The following STK11 variants were observed in gnomAD, a reference collection of about 807,000 sequenced individuals.
STK11 encodes the protein serine/threonine-protein kinase STK11.
STK11 carries 8 observed loss-of-function variants against 47.3 expected under a neutral mutation model. The ratio of observed to expected loss-of-function variants is 0.17; its 90% CI spans 0.10 to 0.31. STK11 has a LOEUF of 0.31. STK11 is among the 10% of genes least tolerant of loss of function. The probability of loss-of-function intolerance (pLI) is 1.00; values close to 1 mark genes in which losing one functional copy is unlikely to be tolerated. For synonymous variants in STK11, 330 were observed against 255.8 expected (o/e 1.29, Z -2.77); for missense variants, 475 against 605.0 (o/e 0.79, Z 2.25).
chr19:1,214,246 G>T (rs901628766), intron 1 of STK11, among the ~76,000 whole-genome samples: 3 of 152,216 alleles, frequency 2.0e-5, no homozygotes, highest in Non-Finnish European at 4.4e-5. Flanking sequence ...CATCCCGGAG[G>T]TGACTGCCAC....
Position 1,205,780 on chromosome 19 carries a change from G to C in STK11, c.-1134G>C, listed in dbSNP as rs2080659411. The C allele has an allele frequency of 5.0e-6, 1 of 199,356 alleles. No homozygotes were observed. Among genetic ancestry groups the C allele is most frequent in the African/African-American group, 2.3e-5 (1 of 43,378 alleles). The allele number at this position is 199,356 out of a possible 1,614,324, so 12.3% of individuals were successfully genotyped here. ...GCGGCGGCGCAGGGAGGGGGAGGGA[G>C]GTAAACAAGATGGCGGCGGCGTGTC... is the stretch of plus-strand genomic sequence containing the variant. On this transcript the variant is annotated 5_prime_UTR_variant, in exon 1 of 10. Coordinates refer to ENST00000326873, the MANE Select transcript of STK11 (RefSeq NM_000455.5).
At chr19:1,213,211 A>T (rs2080723685) in intron 1 of STK11, among the ~76,000 whole-genome samples, 1 of 149,652 alleles carries the variant, frequency 6.7e-6, no homozygotes. Flanking sequence ...GTTAGCCAGG[A>T]TGGTCTCGAT....
intron 1 of STK11, among the ~76,000 whole-genome samples, chr19:1,218,211 G>A (rs1042048550): frequency 6.6e-6 from 1 of 152,072 alleles, no homozygotes; most frequent in African/African-American, 2.4e-5. Context: ...ACTAGAGGGC[G>A]CTGTGCTCCC....
At chr19:1,224,095 C>T in intron 8 of STK11, 2 of 994,696 alleles carry the variant, frequency 2.0e-6, no homozygotes, top group Non-Finnish European at 2.4e-6. Context: ...CCTCAGCACT[C>T]CTGGGCCCCT....
At chr19:1,225,977 C>T in intron 8 of STK11, 3 of 995,064 alleles carry the variant, frequency 3.0e-6, no homozygotes, top group Non-Finnish European at 3.6e-6. Flanking sequence ...GAGCTCTGCT[C>T]CCCGCGTGGT....
At chr19:1,221,586 C>G (rs899593803) in intron 6 of STK11, 1 of 618,578 alleles carries the variant, frequency 1.6e-6, no homozygotes, top group Non-Finnish European at 2.8e-6. Context: ...CTGCGCCTCC[C>G]CCAGCCCCAC....
Position 1,228,219 on chromosome 19 carries a change from GACCC to G in STK11, c.*644_*647del, listed in dbSNP as rs1162764576. 2.3e-4 allele frequency: 194 copies of G among 838,276 alleles called. 1 individual carries two copies. In the East Asian group the frequency reaches 8.8e-3, roughly 38 times the overall value. 51.9% of individuals were successfully genotyped at this position (838,276 alleles called of 1,614,324 possible). The stretch of plus-strand genomic sequence containing the variant: ...CTTTGGCGGCCCGGCCGGAGGGCAG[GACCC>G]TCACCTCTCCCCCAAGGCCACTGCG... On this transcript the variant is annotated 3_prime_UTR_variant, in exon 10 of 10. Transcript: ENST00000326873.
chr19:1,208,010 C>T (rs541617330), intron 1 of STK11, among the ~76,000 whole-genome samples: 9 of 152,368 alleles, frequency 5.9e-5, no homozygotes, highest in African/African-American at 2.2e-4. Context: ...CTTATCGCAG[C>T]CAGACACGCT....
intron 1 of STK11, among the ~76,000 whole-genome samples, chr19:1,211,977 G>A (rs1399851109): frequency 6.6e-6 from 1 of 152,356 alleles, no homozygotes. Context: ...GTGTCCTCGA[G>A]GCCTCTGTTT....
chr19:1,208,379 C>T (rs1285218543), intron 1 of STK11, among the ~76,000 whole-genome samples: 1 of 146,794 alleles, frequency 6.8e-6, no homozygotes, highest in Non-Finnish European at 1.5e-5. Context: ...GCGAACTGGG[C>T]TCACTGCAAG....
intron 1 of STK11, chr19:1,216,324 C>T (rs1250754691): frequency 1.2e-5 from 2 of 173,514 alleles, no homozygotes; most frequent in East Asian, 2.0e-4. Context: ...CTGGATATTG[C>T]ATAGAAATGG....
At position 1,206,904 on chromosome 19, in the gene STK11, TG is replaced by T. The variant is rs1064795642; in HGVS notation, c.-7del. On this transcript the variant is annotated 5_prime_UTR_variant, in exon 1 of 10. Coordinates refer to ENST00000326873, the MANE Select transcript of STK11 (RefSeq NM_000455.5). ...GGCTGGCGGCGGGACTCCAGGACCC[TG>T]GGTCCAGCATGGAGGTGGTGGACCC... The T allele has an allele frequency of 7.7e-6, 12 of 1,565,358 alleles. No homozygotes were observed. The highest frequency in any genetic ancestry group is 8.7e-6 in the Non-Finnish European group (10 of 1,154,828).
In STK11 at chr19:1,228,083, A is replaced by G; in HGVS notation, c.*507A>G. On this transcript the variant is annotated 3_prime_UTR_variant, in exon 10 of 10. Coordinates refer to ENST00000326873, the MANE Select transcript of STK11 (RefSeq NM_000455.5). ...TCTTTTTTTTTTTAAGAAAAAATAA[A>G]AGGTGGATTTGAGCTGTGGCTGTGA... 4 of 1,065,546 alleles carry G rather than the reference A, an allele frequency of 3.8e-6. No individual in the cohort carries two copies. The highest frequency in any genetic ancestry group is 4.5e-6 in the Non-Finnish European group (4 of 879,490). The allele number at this position is 1,065,546 out of a possible 1,614,324, so 66.0% of individuals were successfully genotyped here. A position where few individuals can be genotyped will look rare whatever the true frequency, so the allele number is the denominator to read the frequency against.
At chr19:1,222,065 G>A in intron 7 of STK11, 59 bp downstream of exon 7, 1 of 1,539,854 alleles carries the variant, frequency 6.5e-7, no homozygotes, top group Admixed American at 2.0e-5. Context: ...CATGTGGGCA[G>A]CTGGTTGAGC....
At chr19:1,213,099 C>G (rs1183527458) in intron 1 of STK11, among the ~76,000 whole-genome samples, 1 of 149,910 alleles carries the variant, frequency 6.7e-6, no homozygotes, top group Admixed American at 6.7e-5. Flanking sequence ...CGGGTTCACA[C>G]CATTCTCCTG....
rs1440780450 is a variant in STK11 at position 1,206,619 on chromosome 19, C to G, written c.-295C>G. 20 of 492,352 alleles carry G rather than the reference C, an allele frequency of 4.1e-5. No individual in the cohort carries two copies. The allele number at this position is 492,352 out of a possible 1,614,324, so 30.5% of individuals were successfully genotyped here. ...GAAGTTGACCCTGACCGGGCCGTCT[C>G]CCAGTTCTGAGGCCCGGGTCCCACT... On this transcript the variant is annotated 5_prime_UTR_variant, in exon 1 of 10. Transcript: ENST00000326873.
chr19:1,207,919 C>T (rs1024821852), intron 1 of STK11, among the ~76,000 whole-genome samples: 4 of 152,320 alleles, frequency 2.6e-5, no homozygotes, highest in Non-Finnish European at 4.4e-5. Flanking sequence ...TGCATCTGTG[C>T]GCGGAGAAGC....
chr19:1,222,637 C>CT (rs2145429939), intron 7 of STK11, among the ~76,000 whole-genome samples: 1 of 150,330 alleles, frequency 6.7e-6, no homozygotes, highest in African/African-American at 2.4e-5. Context: ...GGGACTGGGG[C>CT]TGCCCCCCGA....
chr19:1,210,964 C>T (rs527736450), intron 1 of STK11, among the ~76,000 whole-genome samples: 1 of 151,966 alleles, frequency 6.6e-6, no homozygotes, highest in Non-Finnish European at 1.5e-5. Flanking sequence ...AGTTTGAGAC[C>T]AGCGTGGCCA....
Sources: allele counts gnomAD v4.1 joint callset (sites outside exome capture counted in the v4.1 genomes callset), GRCh38; gene constraint gnomAD v4.1.1; transcripts MANE v1.5; gene names NCBI Gene and HGNC (gene_info 2026-07-23, HGNC 2026-07-21).